Variants in GLG1 observed in about 807,000 individuals in gnomAD.
The protein encoded by GLG1 is Golgi apparatus protein 1.
A neutral mutation model predicts 160.5 loss-of-function variants in GLG1; 38 were observed. The observed-to-expected ratio is 0.24, with a 90% CI of 0.18 to 0.31. The LOEUF (loss-of-function observed/expected upper bound fraction) is 0.31. Ranked by LOEUF, GLG1 falls within the 10% of genes least tolerant of loss-of-function variation. The probability of loss-of-function intolerance (pLI) is 1.00; values close to 1 mark genes in which losing one functional copy is unlikely to be tolerated. For missense variants in GLG1, 1,373 were observed against 1,505.2 expected (o/e 0.91, Z 1.45); for synonymous variants, 644 against 543.4 (o/e 1.19, Z -2.57).
rs2014131476 is a variant in GLG1, at chr16:74,447,927, G to C, written c.*5240C>G. On this transcript the variant is annotated 3_prime_UTR_variant, in exon 26 of 26. Coordinates refer to ENST00000422840, the MANE Select transcript of GLG1 (RefSeq NM_001145667.2). ...AAAACACAATCTAGAGGCACTGTCT[G>C]AACTTTCCCCTGGCCCAGGGAGATT... The C allele has an allele frequency of 1.3e-5, 2 of 152,356 alleles. No individual in the cohort carries two copies. The highest frequency in any genetic ancestry group is 2.4e-5 in the African/African-American group (1 of 41,468). 9.4% of individuals were successfully genotyped at this position (152,356 alleles called of 1,614,324 possible). A position where few individuals can be genotyped will look rare whatever the true frequency, so the allele number is the denominator to read the frequency against.
intron 1 of GLG1, among the ~76,000 whole-genome samples, chr16:74,576,004 A>G (rs1423830687): frequency 2.6e-5 from 4 of 152,120 alleles, no homozygotes; most frequent in Admixed American, 2.6e-4. Context: ...GTTTGACACC[A>G]GTCTGGCCAA....
chr16:74,598,156 T>C (rs1958350705), intron 1 of GLG1, among the ~76,000 whole-genome samples: 1 of 152,148 alleles, frequency 6.6e-6, no homozygotes, highest in Non-Finnish European at 1.5e-5. Context: ...ATGCTAACCA[T>C]TATAAGTAGC....
intron 1 of GLG1, among the ~76,000 whole-genome samples, chr16:74,544,777 G>A (rs2017999704): frequency 6.6e-6 from 1 of 152,118 alleles, no homozygotes; most frequent in Non-Finnish European, 1.5e-5. Flanking sequence ...AGGGATTACA[G>A]GTGTGAGCCA....
chr16:74,511,585 TAA>T (rs1172903763), intron 2 of GLG1, among the ~76,000 whole-genome samples: 9,385 of 85,250 alleles, frequency 0.11, 448 homozygotes, highest in Middle Eastern at 0.18. Context: ...CTTTTTTTTT[TAA>T]AAAAAAAAAA....
At chr16:74,493,679 T>G (rs2016082973) in intron 6 of GLG1, among the ~76,000 whole-genome samples, 1 of 152,166 alleles carries the variant, frequency 6.6e-6, no homozygotes, top group African/African-American at 2.4e-5. Flanking sequence ...CAAAATTAAT[T>G]ATTTCAAAAG....
chr16:74,554,867 G>C (rs1188541208), intron 1 of GLG1, among the ~76,000 whole-genome samples: 5 of 152,116 alleles, frequency 3.3e-5, no homozygotes, highest in African/African-American at 9.7e-5. Context: ...AGATGTAACT[G>C]CAGCCAAACA....
chr16:74,591,611 G>A (rs527699300), intron 1 of GLG1, among the ~76,000 whole-genome samples: 42 of 152,144 alleles, frequency 2.8e-4, no homozygotes, highest in Non-Finnish European at 4.4e-4. Context: ...CTGGGAGACA[G>A]AGCAAGACTC....
intron 1 of GLG1, among the ~76,000 whole-genome samples, chr16:74,589,211 C>T (rs1263751400): frequency 3.3e-5 from 5 of 150,678 alleles, no homozygotes; most frequent in African/African-American, 9.8e-5. Flanking sequence ...GCCAAGATTG[C>T]GCCACTGCAC....
intron 3 of GLG1, among the ~76,000 whole-genome samples, chr16:74,508,032 T>C (rs1221834606): frequency 1.3e-5 from 2 of 151,914 alleles, no homozygotes; most frequent in Non-Finnish European, 2.9e-5. Flanking sequence ...ACATAACTGA[T>C]CTAGTATTAG....
intron 1 of GLG1, among the ~76,000 whole-genome samples, chr16:74,570,021 A>T (rs918593008): frequency 5.3e-5 from 8 of 152,032 alleles, no homozygotes; most frequent in Admixed American, 4.6e-4. Flanking sequence ...GTCTCAAAAA[A>T]AAGAAAAGGA....
chr16:74,557,768 T>C (rs2018393626), intron 1 of GLG1, among the ~76,000 whole-genome samples: 1 of 150,836 alleles, frequency 6.6e-6, no homozygotes, highest in Non-Finnish European at 1.5e-5. Context: ...TTTTTTTTGG[T>C]AGGGTTGGGG....
chr16:74,456,607 T>C, intron 25 of GLG1, 42 bp downstream of exon 25: 1 of 1,193,548 alleles, frequency 8.4e-7, no homozygotes, highest in Admixed American at 1.8e-5. Flanking sequence ...GTGTTCCATA[T>C]TTTTTTGTTT....
At chr16:74,599,342 C>T (rs1466406934) in intron 1 of GLG1, among the ~76,000 whole-genome samples, 2 of 152,214 alleles carry the variant, frequency 1.3e-5, no homozygotes, top group African/African-American at 2.4e-5. Context: ...CCCCTTTCCA[C>T]CTGTGCTACG....
chr16:74,581,295 G>A (rs989022561), intron 1 of GLG1, among the ~76,000 whole-genome samples: 1 of 152,052 alleles, frequency 6.6e-6, no homozygotes, highest in African/African-American at 2.4e-5. Flanking sequence ...TACGTATAAT[G>A]GAATGTTATT....
intron 1 of GLG1, among the ~76,000 whole-genome samples, chr16:74,581,165 C>A (rs1382554841): frequency 1.3e-5 from 2 of 152,114 alleles, no homozygotes; most frequent in African/African-American, 2.4e-5. Context: ...AAAGTGAACA[C>A]AGGGTCTCAA....
intron 19 of GLG1, among the ~76,000 whole-genome samples, chr16:74,465,231 G>C (rs1406217208): frequency 6.6e-6 from 1 of 152,232 alleles, no homozygotes; most frequent in East Asian, 1.9e-4. Flanking sequence ...TGCTGGAGGA[G>C]GGAATGAAGC....
At chr16:74,593,019 G>C (rs1047886512) in intron 1 of GLG1, among the ~76,000 whole-genome samples, 1 of 152,112 alleles carries the variant, frequency 6.6e-6, no homozygotes, top group East Asian at 1.9e-4. Flanking sequence ...CACATTCCTT[G>C]TGCAAGCCCG....
chr16:74,452,636 C>CA lies in GLG1; in HGVS notation c.*530dup. ...GAAGACCACGGCCCTGGCGAGGCCC[C>CA]AAGGTGCTTCTGAGAGATGAACGAG... On this transcript the variant is annotated 3_prime_UTR_variant, in exon 26 of 26. Coordinates refer to ENST00000422840, the MANE Select transcript of GLG1 (RefSeq NM_001145667.2). The CA allele has an allele frequency of 3.0e-6, 3 of 998,342 alleles. No individual in the cohort carries two copies. Among genetic ancestry groups the CA allele is most frequent in the Non-Finnish European group, 3.6e-6 (3 of 837,068 alleles). The allele number at this position is 998,342 out of a possible 1,614,324, so 61.8% of individuals were successfully genotyped here. A position where few individuals can be genotyped will look rare whatever the true frequency, so the allele number is the denominator to read the frequency against.
At chr16:74,507,930 G>A (rs1383539022) in intron 3 of GLG1, among the ~76,000 whole-genome samples, 1 of 152,112 alleles carries the variant, frequency 6.6e-6, no homozygotes, top group Non-Finnish European at 1.5e-5. Flanking sequence ...GAATATTAAA[G>A]CTAGGAGCTA....
Sources: allele counts gnomAD v4.1 joint callset (sites outside exome capture counted in the v4.1 genomes callset), GRCh38; gene constraint gnomAD v4.1.1; transcripts MANE v1.5; gene names NCBI Gene and HGNC (gene_info 2026-07-23, HGNC 2026-07-21).